DHX29: variants seen among roughly 807,000 people sequenced by gnomAD.
The protein encoded by DHX29 is ATP-dependent RNA helicase DHX29.
DHX29 carries 79 observed loss-of-function variants against 167.9 expected under a neutral mutation model. That is an observed-to-expected ratio of 0.47 (90% CI 0.39 to 0.57). DHX29 has a LOEUF of 0.57. DHX29 is among the 20% of genes least tolerant of loss of function. The pLI is 0.00. For synonymous variants in DHX29, 530 were observed against 546.0 expected, an observed-to-expected ratio of 0.97 and a Z score of 0.41; for missense variants, 1,347 against 1,593.4, an observed-to-expected ratio of 0.85 and a Z score of 2.63.
chr5:55,263,795 G>A (rs1463520289), intron 23 of DHX29, among the ~76,000 whole-genome samples: 1 of 146,382 alleles, frequency 6.8e-6, no homozygotes, highest in Non-Finnish European at 1.5e-5. Flanking sequence ...GGCCAGAGGG[G>A]GCTATTTCTT....
chr5:55,302,974 A>G (rs1302646253), intron 1 of DHX29, among the ~76,000 whole-genome samples: 1 of 152,212 alleles, frequency 6.6e-6, no homozygotes, highest in East Asian at 1.9e-4. Flanking sequence ...TCTCCAAGGC[A>G]AAGTATTATG....
chr5:55,272,891 C>T (rs540970958), intron 17 of DHX29, among the ~76,000 whole-genome samples: 1 of 152,236 alleles, frequency 6.6e-6, no homozygotes, highest in Non-Finnish European at 1.5e-5. Flanking sequence ...AGCTTTGTGA[C>T]CTACCCAATG....
chr5:55,280,590 G>C (rs550795975), intron 12 of DHX29, among the ~76,000 whole-genome samples: 39 of 152,270 alleles, frequency 2.6e-4, no homozygotes, highest in African/African-American at 9.4e-4. Flanking sequence ...CCATGGGCCA[G>C]ATAAAAAAGC....
chr5:55,298,801 C>T (rs993948007), intron 1 of DHX29, 137 bp from the exon 2 acceptor site: 9 of 402,118 alleles, frequency 2.2e-5, no homozygotes, highest in African/African-American at 1.0e-4. Context: ...GAGGCCGAGG[C>T]GGGTGGATCA....
intron 1 of DHX29, among the ~76,000 whole-genome samples, chr5:55,299,825 G>A (rs1312907067): frequency 6.6e-6 from 1 of 152,048 alleles, no homozygotes; most frequent in Non-Finnish European, 1.5e-5. Flanking sequence ...AATATTTGGG[G>A]GGACACTACT....
chr5:55,277,121 T>G lies in DHX29; in HGVS notation c.2271A>C (p.Arg757Ser). The change falls in exon 13 of 27, where the codon AGA (arginine) becomes AGC (serine). Residue 757 changes from arginine (R) to serine (S), a missense_variant. Physicochemically the swap from Arg to Ser is moderately radical, Grantham distance 110. This residue lies in a region of DHX29 where 882 missense variants were observed against 1,082.4 expected (regional missense o/e 0.81). Coordinates refer to ENST00000251636, the MANE Select transcript of DHX29 (RefSeq NM_019030.4). ...THCPILRISG[R>S]SYPVEVFHLE... is the part of the protein sequence containing the mutation. Reference sequence around the variant, plus strand: ...GAAAACTTACCTCAACAGGATAACTTCTTCCTGAAATTCTGAGAATGGGGC... The same window carrying G: ...GAAAACTTACCTCAACAGGATAACTGCTTCCTGAAATTCTGAGAATGGGGC... 2 of 1,609,678 alleles carry G rather than the reference T, an allele frequency of 1.2e-6. No homozygotes were observed. Among genetic ancestry groups the G allele is most frequent in the South Asian group, 2.2e-5 (2 of 90,024 alleles).
chr5:55,272,079 A>G lies in DHX29; in HGVS notation c.2864+8T>C. On this transcript the variant is annotated splice_region_variant and intron_variant, in intron 18 of 26. Transcript: ENST00000251636. The stretch of plus-strand genomic sequence containing the variant: ...AAAAATGTTTTGATTTGGGAAATTT[A>G]AACTTACTTATTTTCTTTTGTTCTT... 1 of 1,508,216 alleles carries G rather than the reference A, an allele frequency of 6.6e-7. No homozygotes were observed. The highest frequency in any genetic ancestry group is 1.4e-5 in the African/African-American group (1 of 71,508). 93.4% of individuals were successfully genotyped at this position (1,508,216 alleles called of 1,614,324 possible).
At chr5:55,288,410 A>G (rs1447685662) in intron 8 of DHX29, among the ~76,000 whole-genome samples, 1 of 151,148 alleles carries the variant, frequency 6.6e-6, no homozygotes, top group Non-Finnish European at 1.5e-5. Context: ...ATAGTATACT[A>G]TTAAACTATA....
chr5:55,293,118 T>G, intron 6 of DHX29, among the ~76,000 whole-genome samples: 1 of 152,220 alleles, frequency 6.6e-6, no homozygotes, highest in East Asian at 1.9e-4. Flanking sequence ...CTATATATAT[T>G]CTTTTACACA....
At chr5:55,289,616 G>A (rs7712119) in intron 7 of DHX29, among the ~76,000 whole-genome samples, 188 bp from the exon 8 acceptor site, 1,809 of 151,766 alleles carry the variant, frequency 0.012, 39 homozygotes, top group African/African-American at 0.042. Flanking sequence ...TTCCTGTTAG[G>A]AATCTGTGCA....
chr5:55,278,256 A>C (rs774980578), intron 12 of DHX29, among the ~76,000 whole-genome samples: 1 of 152,236 alleles, frequency 6.6e-6, no homozygotes, highest in African/African-American at 2.4e-5. Flanking sequence ...AAGGTAGCAC[A>C]AAAGGATAAA....
At chr5:55,259,782 A>G (rs141690453) in intron 26 of DHX29, 66 bp downstream of exon 26, 7 of 922,886 alleles carry the variant, frequency 7.6e-6, no homozygotes, top group African/African-American at 6.5e-5. Context: ...CCACACATTA[A>G]TACATAGGTA....
intron 23 of DHX29, among the ~76,000 whole-genome samples, chr5:55,266,115 C>G (rs1746553705): frequency 6.6e-6 from 1 of 151,920 alleles, no homozygotes; most frequent in South Asian, 2.1e-4. Context: ...TTCTCTGCCT[C>G]AGCCTCCCGA....
intron 23 of DHX29, among the ~76,000 whole-genome samples, chr5:55,264,651 C>T (rs528039929): frequency 6.6e-6 from 1 of 152,008 alleles, no homozygotes; most frequent in Non-Finnish European, 1.5e-5. Context: ...AAAGAGGGGA[C>T]AATTTGAGTA....
At chr5:55,284,701 T>G (rs1747622465) in intron 10 of DHX29, among the ~76,000 whole-genome samples, 2 of 152,266 alleles carry the variant, frequency 1.3e-5, no homozygotes, top group Non-Finnish European at 2.9e-5. Flanking sequence ...CACTTTATTT[T>G]AATCTTTCCT....
chr5:55,288,202 C>T (rs1315828009), intron 8 of DHX29, among the ~76,000 whole-genome samples: 1 of 151,722 alleles, frequency 6.6e-6, no homozygotes, highest in African/African-American at 2.4e-5. Flanking sequence ...GAGATAATGC[C>T]ATTGCACTCC....
chr5:55,279,738 G>T (rs5020282), intron 12 of DHX29: 1,948 of 110,922 alleles, frequency 0.018, 30 homozygotes, highest in African/African-American at 0.056. Flanking sequence ...TGCTGTTTTT[G>T]TTTTTTTTTT....
At position 55,281,462 on chromosome 5, in the gene DHX29, G is replaced by A. The variant is rs1318040766; in HGVS notation, c.2019C>T (p.Thr673=). ...IRMESRACES[T]RLLYCTTGVL... ...CCCCTGTTGTACAATAGAGTAACCT[G>A]GTAGATTCACAAGCTCGAGATTCCA... Residue 673 remains threonine, a synonymous_variant, in exon 12 of 27, where the codon ACC becomes ACT. Transcript: ENST00000251636. 1 of 1,595,896 alleles carries A rather than the reference G, an allele frequency of 6.3e-7. No individual in the cohort carries two copies. The highest frequency in any genetic ancestry group is 1.1e-5 in the South Asian group (1 of 88,212).
chr5:55,297,487 C>T (rs897409137), intron 2 of DHX29, 89 bp from the exon 3 acceptor site: 2 of 648,496 alleles, frequency 3.1e-6, no homozygotes, highest in Admixed American at 3.2e-5. Context: ...TTCCTGCCAA[C>T]CAAGCCCAAA....
Sources: allele counts gnomAD v4.1 joint callset (sites outside exome capture counted in the v4.1 genomes callset), GRCh38; gene constraint gnomAD v4.1.1; regional missense constraint gnomAD v4.1.1; transcripts MANE v1.5; gene names NCBI Gene and HGNC (gene_info 2026-07-23, HGNC 2026-07-21).